LDLRAD3: variants seen among roughly 807,000 people sequenced by gnomAD.
The protein encoded by LDLRAD3 is low density lipoprotein receptor class A domain containing 3.
A neutral mutation model predicts 29.4 loss-of-function variants in LDLRAD3; 20 were observed. The observed-to-expected ratio is 0.68, with a 90% CI of 0.48 to 0.99. The LOEUF is 0.99. LDLRAD3 is among the 50% of genes least tolerant of loss of function. LDLRAD3 has a pLI of 0.00. For missense variants in LDLRAD3, 420 were observed against 454.3 expected (o/e 0.92, Z 0.69); for synonymous variants, 157 against 192.7 (o/e 0.81, Z 1.53).
intron 4 of LDLRAD3, among the ~76,000 whole-genome samples, chr11:36,140,169 G>A (rs1238822289): frequency 6.6e-6 from 1 of 152,140 alleles, no homozygotes; most frequent in Non-Finnish European, 1.5e-5. Context: ...TGTTCTTAAC[G>A]AAGACTTACC....
At chr11:36,180,374 CTG>C (rs1038006874) in intron 4 of LDLRAD3, among the ~76,000 whole-genome samples, 44 of 152,178 alleles carry the variant, frequency 2.9e-4, no homozygotes, top group African/African-American at 1.1e-3. Context: ...GTGGCAGATT[CTG>C]TCTTAGAGAC....
intron 1 of LDLRAD3, among the ~76,000 whole-genome samples, chr11:35,964,566 G>A (rs138452820): frequency 4.5e-4 from 68 of 152,276 alleles, no homozygotes; most frequent in African/African-American, 1.4e-3. Context: ...GGAGGCTGTC[G>A]TCTGTCTGAG....
chr11:35,958,252 T>A (rs1851230289), intron 1 of LDLRAD3, among the ~76,000 whole-genome samples: 1 of 152,238 alleles, frequency 6.6e-6, no homozygotes, highest in South Asian at 2.1e-4. Context: ...AATAGTCCCA[T>A]GTGGCTGATG....
chr11:36,097,483 C>A (rs1040561992), intron 3 of LDLRAD3, among the ~76,000 whole-genome samples: 2 of 152,198 alleles, frequency 1.3e-5, no homozygotes, highest in Non-Finnish European at 2.9e-5. Context: ...CCATGAGGTT[C>A]AGGTTTTGCC....
At chr11:36,048,144 A>G (rs1192865613) in intron 2 of LDLRAD3, among the ~76,000 whole-genome samples, 1 of 152,202 alleles carries the variant, frequency 6.6e-6, no homozygotes, top group African/African-American at 2.4e-5. Context: ...GTCAAAGATG[A>G]GCTGGGTGAT....
At chr11:36,119,382 G>A (rs1390357221) in intron 4 of LDLRAD3, among the ~76,000 whole-genome samples, 1 of 152,130 alleles carries the variant, frequency 6.6e-6, no homozygotes, top group Non-Finnish European at 1.5e-5. Context: ...CTGAGGAACT[G>A]CTTTCTGCTA....
chr11:36,204,656 T>G (rs1855180646), intron 4 of LDLRAD3, among the ~76,000 whole-genome samples: 3 of 152,000 alleles, frequency 2.0e-5, no homozygotes, highest in Non-Finnish European at 2.9e-5. Context: ...CCCTGCTAAT[T>G]TTTTGTATTT....
At chr11:36,118,762 A>G (rs147561301) in intron 4 of LDLRAD3, among the ~76,000 whole-genome samples, 214 of 152,272 alleles carry the variant, frequency 1.4e-3, no homozygotes, top group Middle Eastern at 0.014. Context: ...TTAGACAGCC[A>G]TCCCCACTGT....
intron 1 of LDLRAD3, among the ~76,000 whole-genome samples, chr11:35,990,252 C>T (rs1425619504): frequency 2.0e-5 from 3 of 152,180 alleles, no homozygotes; most frequent in African/African-American, 4.8e-5. Flanking sequence ...GGACACTTTA[C>T]TCTCTCACAG....
At chr11:36,056,844 C>G (rs1008515361) in intron 2 of LDLRAD3, among the ~76,000 whole-genome samples, 9 of 152,156 alleles carry the variant, frequency 5.9e-5, no homozygotes, top group African/African-American at 2.2e-4. Context: ...CGATACCTCT[C>G]CCTTCACTCC....
rs117295131 is a variant in LDLRAD3, at chr11:35,986,313, T to C, written c.46+42169T>C. 3.9e-5 allele frequency among the ~76,000 whole-genome samples: 6 copies of C among 152,330 alleles called. No homozygotes were observed. In the East Asian group the frequency reaches 1.2e-3, roughly 29 times the overall value. Reference sequence around the variant, plus strand: ...GTTTTATTTTTGTGTCTCTTTGATATAGAAGAAAAGAAATGTGAACAGAAC... The same window carrying C: ...GTTTTATTTTTGTGTCTCTTTGATACAGAAGAAAAGAAATGTGAACAGAAC... On this transcript the variant is annotated intron_variant, in intron 1 of 5. Coordinates refer to ENST00000315571, the MANE Select transcript of LDLRAD3 (RefSeq NM_174902.4).
At chr11:35,997,432 G>T in intron 1 of LDLRAD3, 1 of 404,606 alleles carries the variant, frequency 2.5e-6, no homozygotes, top group Non-Finnish European at 4.8e-6. Context: ...TGAGGGCTTT[G>T]CAGAAACCCT....
At chr11:36,170,283 C>T (rs1251344379) in intron 4 of LDLRAD3, among the ~76,000 whole-genome samples, 3 of 143,390 alleles carry the variant, frequency 2.1e-5, no homozygotes, top group East Asian at 4.0e-4. Context: ...CATATATGTA[C>T]ATATATACAC....
intron 3 of LDLRAD3, among the ~76,000 whole-genome samples, chr11:36,082,675 A>T (rs72937871): frequency 0.23 from 35,399 of 152,128 alleles, 4,726 homozygotes; most frequent in Non-Finnish European, 0.3. Flanking sequence ...ATGCACACAC[A>T]TACTCATGTT....
At chr11:36,046,120 A>G (rs1309277303) in intron 2 of LDLRAD3, among the ~76,000 whole-genome samples, 1 of 152,130 alleles carries the variant, frequency 6.6e-6, no homozygotes, top group Admixed American at 6.5e-5. Context: ...AGCTTCATCC[A>G]TGTCCCTGCA....
chr11:36,159,176 A>G (rs761667709), intron 4 of LDLRAD3, among the ~76,000 whole-genome samples: 26 of 152,188 alleles, frequency 1.7e-4, no homozygotes, highest in Non-Finnish European at 2.9e-4. Flanking sequence ...ATTCCATTGA[A>G]AAAGAACTTG....
At chr11:36,030,448 G>A (rs1852222579) in intron 1 of LDLRAD3, among the ~76,000 whole-genome samples, 1 of 147,474 alleles carries the variant, frequency 6.8e-6, no homozygotes, top group Non-Finnish European at 1.5e-5. Context: ...GTGTGTGTGT[G>A]TGTGTGTGTG....
intron 4 of LDLRAD3, among the ~76,000 whole-genome samples, chr11:36,123,070 C>A (rs1045735095): frequency 1.3e-5 from 2 of 152,002 alleles, no homozygotes; most frequent in African/African-American, 4.8e-5. Context: ...GCCTGTAGTC[C>A]CGACTGCTTG....
chr11:36,143,331 C>T (rs1029540037), intron 4 of LDLRAD3, among the ~76,000 whole-genome samples: 6 of 152,248 alleles, frequency 3.9e-5, no homozygotes, highest in Non-Finnish European at 8.8e-5. Flanking sequence ...TCCTCTACCT[C>T]TTTCCCGTGG....
Sources: allele counts gnomAD v4.1 joint callset (sites outside exome capture counted in the v4.1 genomes callset), GRCh38; gene constraint gnomAD v4.1.1; transcripts MANE v1.5; gene names NCBI Gene and HGNC (gene_info 2026-07-23, HGNC 2026-07-21).